The following SUCLG2 variants were observed in gnomAD, a reference collection of about 807,000 sequenced individuals.
SUCLG2 encodes the protein succinate--CoA ligase [GDP-forming] subunit beta, mitochondrial.
In SUCLG2, 42 loss-of-function variants were observed where a neutral mutation model predicts 47.9. The ratio of observed to expected loss-of-function variants is 0.88; its 90% CI spans 0.69 to 1.14. The LOEUF is 1.14. Ranked by LOEUF, SUCLG2 falls within the 50% of genes most tolerant of loss-of-function variation. SUCLG2 has a pLI of 0.00. For synonymous variants in SUCLG2, 195 were observed against 197.3 expected (o/e 0.99, Z 0.10); for missense variants, 571 against 525.9 (o/e 1.09, Z -0.84).
Position 67,495,832 on chromosome 3 carries a change from T to TA in SUCLG2, c.1027dup (p.Tyr343LeufsTer10). ...AGCTGTGAGCAATTTGAATGCTTGA[T>TA]ATACTTGAGCTTCCTTTACACCACC... is the stretch of plus-strand genomic sequence containing the variant. On this transcript the variant is annotated frameshift_variant, in exon 9 of 11. Transcript: ENST00000307227. LOFTEE classifies it high-confidence loss of function. 2 of 1,614,032 alleles carry TA rather than the reference T, an allele frequency of 1.2e-6. No homozygotes were observed. The highest frequency in any genetic ancestry group is 1.7e-6 in the Non-Finnish European group (2 of 1,179,972).
chr3:67,605,930 C>T (rs1408542621), intron 2 of SUCLG2, among the ~76,000 whole-genome samples: 1 of 152,014 alleles, frequency 6.6e-6, no homozygotes, highest in East Asian at 1.9e-4. Context: ...AAGCATGATA[C>T]AGCCAGGTGC....
intron 1 of SUCLG2, among the ~76,000 whole-genome samples, chr3:67,645,107 C>T (rs1030670909): frequency 2.0e-5 from 3 of 152,146 alleles, no homozygotes; most frequent in Non-Finnish European, 4.4e-5. Flanking sequence ...TGAAATACCA[C>T]TACTAAATAT....
intron 9 of SUCLG2, among the ~76,000 whole-genome samples, chr3:67,413,210 C>A (rs760619282): frequency 5.3e-5 from 8 of 152,176 alleles, no homozygotes; most frequent in Admixed American, 2.6e-4. Flanking sequence ...CTGTCCATTA[C>A]AAATGACAGA....
intron 1 of SUCLG2, among the ~76,000 whole-genome samples, chr3:67,610,858 T>C (rs758736846): frequency 2.0e-5 from 3 of 152,234 alleles, no homozygotes; most frequent in Non-Finnish European, 4.4e-5. Flanking sequence ...AGCTATGATG[T>C]ATTCATGGAG....
chr3:67,591,276 T>C (rs1016314073), intron 2 of SUCLG2, among the ~76,000 whole-genome samples: 1 of 151,990 alleles, frequency 6.6e-6, no homozygotes, highest in Non-Finnish European at 1.5e-5. Flanking sequence ...AAATGCAAAA[T>C]GAGCTGGCAG....
intron 7 of SUCLG2, among the ~76,000 whole-genome samples, chr3:67,504,849 C>T (rs140371417): frequency 4.6e-5 from 7 of 152,070 alleles, no homozygotes; most frequent in East Asian, 3.9e-4. Flanking sequence ...TACATGAATG[C>T]GCAGGTAGAT....
intron 9 of SUCLG2, among the ~76,000 whole-genome samples, chr3:67,423,995 G>C (rs1443209423): frequency 6.6e-6 from 1 of 152,084 alleles, no homozygotes; most frequent in Non-Finnish European, 1.5e-5. Context: ...TATGTTTGGT[G>C]GAAAATCAAA....
intron 2 of SUCLG2, among the ~76,000 whole-genome samples, chr3:67,597,926 A>AGAC: frequency 6.6e-6 from 1 of 151,922 alleles, no homozygotes; most frequent in Non-Finnish European, 1.5e-5. Context: ...CAACAGAGTG[A>AGAC]GACTCCATCT....
chr3:67,413,993 C>T (rs9861758), intron 9 of SUCLG2, among the ~76,000 whole-genome samples: 9,094 of 152,122 alleles, frequency 0.06, 308 homozygotes, highest in East Asian at 0.1. Context: ...TATTTTGTGT[C>T]CTATCAAAAA....
intron 7 of SUCLG2, among the ~76,000 whole-genome samples, chr3:67,500,510 A>C (rs1705468601): frequency 1.3e-5 from 2 of 151,412 alleles, no homozygotes; most frequent in Admixed American, 1.3e-4. Flanking sequence ...GTTGGAGTGA[A>C]TGAGTAATTA....
intron 2 of SUCLG2, among the ~76,000 whole-genome samples, chr3:67,588,743 A>G (rs1708085267): frequency 1.3e-5 from 2 of 152,186 alleles, no homozygotes; most frequent in Non-Finnish European, 2.9e-5. Context: ...AGGAGCACCA[A>G]TGTTTAAGTC....
chr3:67,599,877 T>C (rs1314436288), intron 2 of SUCLG2, among the ~76,000 whole-genome samples: 1 of 152,210 alleles, frequency 6.6e-6, no homozygotes. Flanking sequence ...GTAGATCAAG[T>C]AACACAACTC....
chr3:67,594,117 C>CAG (rs1203035104), intron 2 of SUCLG2, among the ~76,000 whole-genome samples: 1 of 152,184 alleles, frequency 6.6e-6, no homozygotes, highest in East Asian at 1.9e-4. Context: ...CAGCCAAGCC[C>CAG]AGAGAGGGCC....
At chr3:67,431,115 T>C (rs1001354988) in intron 9 of SUCLG2, among the ~76,000 whole-genome samples, 1 of 152,132 alleles carries the variant, frequency 6.6e-6, no homozygotes, top group Non-Finnish European at 1.5e-5. Context: ...GCCAGCATCA[T>C]CTTGATACCA....
intron 2 of SUCLG2, among the ~76,000 whole-genome samples, chr3:67,544,193 G>A (rs906945562): frequency 1.3e-5 from 2 of 152,126 alleles, no homozygotes; most frequent in African/African-American, 4.8e-5. Flanking sequence ...TAAGCATTAA[G>A]AAGCAAATTA....
intron 2 of SUCLG2, among the ~76,000 whole-genome samples, chr3:67,592,718 C>CAAAAAAAAAAAAAAAAAA (rs754866312): frequency 8.7e-5 from 7 of 80,262 alleles, no homozygotes; most frequent in African/African-American, 4.2e-4. Context: ...TCACATCCTC[C>CAAAAAAAAAAAAAAAAAA]AAAAAAAAAA....
chr3:67,477,192 TC>T (rs1332861094), intron 9 of SUCLG2, among the ~76,000 whole-genome samples: 1 of 152,068 alleles, frequency 6.6e-6, no homozygotes, highest in Admixed American at 6.6e-5. Context: ...CCTCACTACC[TC>T]CCCCATCCCA....
intron 9 of SUCLG2, among the ~76,000 whole-genome samples, chr3:67,453,852 C>T (rs1034441592): frequency 6.6e-6 from 1 of 152,186 alleles, no homozygotes; most frequent in Admixed American, 6.5e-5. Context: ...CCAGTTGAAA[C>T]ATAATTCTAG....
chr3:67,392,462 T>C (rs921795251), intron 10 of SUCLG2, among the ~76,000 whole-genome samples: 10 of 152,232 alleles, frequency 6.6e-5, no homozygotes, highest in Admixed American at 4.6e-4. Context: ...GATCAAAGTA[T>C]TAGTTAGGCT....
Sources: gnomAD v4.1 joint callset for allele counts (sites outside exome capture counted in the v4.1 genomes callset) on GRCh38, gnomAD v4.1.1 for gene constraint, MANE v1.5 for transcripts, NCBI Gene and HGNC (gene_info 2026-07-23, HGNC 2026-07-21) for gene names.